Variants in PPRC1 observed in about 807,000 individuals in gnomAD.
The protein encoded by PPRC1 is PPARG related coactivator 1, also known as peroxisome proliferator-activated receptor gamma coactivator-related protein 1.
A neutral mutation model predicts 132.5 loss-of-function variants in PPRC1; 23 were observed. The ratio of observed to expected loss-of-function variants is 0.17; its 90% CI spans 0.12 to 0.25. PPRC1 has a LOEUF of 0.25. Ranked by LOEUF, PPRC1 falls within the 10% of genes least tolerant of loss-of-function variation. PPRC1 has a pLI of 1.00. For missense variants in PPRC1, 2,006 were observed against 2,089.1 expected, an observed-to-expected ratio of 0.96 and a Z score of 0.78; for synonymous variants, 872 against 833.5, an observed-to-expected ratio of 1.05 and a Z score of -0.80.
chr10:102,136,926 G>T (rs1007101715), intron 1 of PPRC1, among the ~76,000 whole-genome samples: 1 of 152,228 alleles, frequency 6.6e-6, no homozygotes, highest in African/African-American at 2.4e-5. Flanking sequence ...GTGGGGCGGG[G>T]CCTTTCCATC....
chr10:102,136,921 G>C (rs1369098660), intron 1 of PPRC1, among the ~76,000 whole-genome samples: 2 of 152,246 alleles, frequency 1.3e-5, no homozygotes, highest in East Asian at 3.9e-4. Flanking sequence ...GGAGTGTGGG[G>C]CGGGGCCTTT....
upstream of PPRC1, among the ~76,000 whole-genome samples, chr10:102,128,898 GC>G (rs1590303162): frequency 1.5e-5 from 2 of 129,742 alleles, no homozygotes; most frequent in South Asian, 2.6e-4. Context: ...ACAGGCCTGA[GC>G]CACCATGCCC....
At chr10:102,128,860 C>T (rs1293916966), upstream of PPRC1, among the ~76,000 whole-genome samples, 12 of 149,746 alleles carry the variant, frequency 8.0e-5, no homozygotes, top group Admixed American at 5.4e-4. Flanking sequence ...GTGATCCGCC[C>T]GCCTCGGCCT....
At chr10:102,120,387 G>A in the PPRC1 span, 1 of 983,502 alleles carries the variant, frequency 1.0e-6, no homozygotes, top group Non-Finnish European at 1.2e-6. Context: ...GTGCGTGTGT[G>A]CGCGTGTGCG....
chr10:102,140,580 C>A lies in PPRC1; in HGVS notation c.2072C>A (p.Thr691Asn), dbSNP rs776921036. 1.2e-6 allele frequency: 2 copies of A among 1,613,992 alleles called. No individual in the cohort carries two copies. Among genetic ancestry groups the A allele is most frequent in the African/African-American group, 2.7e-5 (2 of 74,910 alleles). Residue 691 changes from threonine to asparagine, a missense_variant, in exon 5 of 14, where the codon ACT becomes AAT. By Grantham distance (65) the Thr-to-Asn change is moderately conservative (BLOSUM62 0). Coordinates refer to ENST00000278070, the MANE Select transcript of PPRC1 (RefSeq NM_015062.5). ...CCAGTGCTAGTTAAGTCCAGACCAA[C>A]TGATCCCAGACGTGGTGCAGTGTCA... ...VDPVLVKSRP[T>N]DPRRGAVSSA...
In PPRC1 at chr10:102,148,414, CTCT is replaced by C. The variant is rs765619791; in HGVS notation, c.4449_4451del (p.Ser1499del). ...CTGGACGTTCTCGAAGATGCTCTTC[CTCT>C]TCTTCGTCATCATCTTCCTCTTCGT... On this transcript the variant is annotated inframe_deletion, in exon 10 of 14. Transcript: ENST00000278070. This position sits in a 1 kb window ranked among gnomAD's most constrained non-coding sequence, Gnocchi z 4.2. The C allele has an allele frequency of 4.2e-5, 68 of 1,612,420 alleles. No individual in the cohort carries two copies. Among genetic ancestry groups the C allele is most frequent in the Non-Finnish European group, 5.5e-5 (65 of 1,178,760 alleles).
chr10:102,126,461 T>C, the PPRC1 span, among the ~76,000 whole-genome samples: 1 of 149,974 alleles, frequency 6.7e-6, no homozygotes, highest in Non-Finnish European at 1.5e-5. Context: ...ACTATAACTT[T>C]TTTTTTTTTT....
chr10:102,124,084 A>G, the PPRC1 span, among the ~76,000 whole-genome samples: 1 of 148,530 alleles, frequency 6.7e-6, no homozygotes, highest in South Asian at 2.1e-4. Context: ...TTTTTTTTTT[A>G]GACAGAGTCT....
Position 102,140,914 on chromosome 10 carries a change from C to T in PPRC1, c.2406C>T (p.Ala802=), listed in dbSNP as rs1425361990. The T allele has an allele frequency of 3.1e-6, 5 of 1,614,018 alleles. No homozygotes were observed. Among genetic ancestry groups the T allele is most frequent in the Non-Finnish European group, 4.2e-6 (5 of 1,180,004 alleles). ...IPCLVIPPAP[A]KKTALQRSPE... is the part of the protein sequence containing the mutation. ...GTCTTGTCATCCCACCAGCCCCAGC[C>T]AAGAAGACAGCTCTGCAGAGAAGCC... Residue 802 remains alanine (A), a synonymous_variant, in exon 5 of 14, where the codon GCC becomes GCT. Transcript: ENST00000278070.
At chr10:102,138,596 T>A in intron 2 of PPRC1, 23 bp from the exon 3 acceptor site, 1 of 1,612,662 alleles carries the variant, frequency 6.2e-7, no homozygotes, top group Non-Finnish European at 8.5e-7. Context: ...TGGTAGGACC[T>A]TCTGGTTGTT....
At position 102,145,034 on chromosome 10, in the gene PPRC1, C is replaced by G. The variant is rs2069161011; in HGVS notation, c.3623C>G (p.Pro1208Arg). ...AVGNSGGVDI[P>R]QEKRPLDRLQ... is the part of the protein sequence containing the mutation. ...CCCCCCGCCAGCGGCGTTGACATTC[C>G]CCAGGAGAAGAGGCCCCTAGACCGG... The change falls in exon 8 of 14, where the codon CCC becomes CGC. Residue 1208 changes from proline (P) to arginine (R), a missense_variant. Pro to Arg is a moderately radical substitution (Grantham distance 103). This residue lies in a region of PPRC1 where 1,914 missense variants were observed against 1,917.2 expected (regional missense o/e 1.00). Coordinates refer to ENST00000278070, the MANE Select transcript of PPRC1 (RefSeq NM_015062.5). The G allele has an allele frequency of 6.2e-7, 1 of 1,612,174 alleles. No individual in the cohort carries two copies. Among genetic ancestry groups the G allele is most frequent in the South Asian group, 1.1e-5 (1 of 90,934 alleles).
chr10:102,144,287 C>T lies in PPRC1; in HGVS notation c.3588C>T (p.Ser1196=). 6.2e-7 allele frequency: 1 copy of T among 1,614,134 alleles called. No individual in the cohort carries two copies. The highest frequency in any genetic ancestry group is 8.5e-7 in the Non-Finnish European group (1 of 1,180,036). ...GTCCTCCTCCGGCTCCTGCTGACAG[C>T]TTGGCTGTAGGAAACTCAGGGTAAG... The part of the protein sequence containing the change: ...KECPPPAPAD[S]LAVGNSGGVD... Residue 1196 remains serine, a synonymous_variant, in exon 7 of 14, where the codon AGC becomes AGT. Coordinates refer to ENST00000278070, the MANE Select transcript of PPRC1 (RefSeq NM_015062.5).
chr10:102,137,013 TGA>T (rs1554914991), intron 1 of PPRC1, among the ~76,000 whole-genome samples: 1 of 152,212 alleles, frequency 6.6e-6, no homozygotes, highest in Non-Finnish European at 1.5e-5. Context: ...GAATTACCAT[TGA>T]GAGGTTGAGT....
At chr10:102,124,246 G>A in the PPRC1 span, among the ~76,000 whole-genome samples, 274 of 151,944 alleles carry the variant, frequency 1.8e-3, 5 homozygotes, top group East Asian at 0.044. Context: ...TGTATTTTTA[G>A]TAGAGATGGG....
chr10:102,138,186 T>G (rs1391505702), intron 2 of PPRC1, 148 bp downstream of exon 2: 5 of 830,412 alleles, frequency 6.0e-6, no homozygotes, highest in Non-Finnish European at 9.2e-6. Context: ...TTTTTGTCTC[T>G]AAGTGGGAAT....
chr10:102,133,329 G>C, intron 1 of PPRC1, 108 bp downstream of exon 1: 3 of 1,032,006 alleles, frequency 2.9e-6, no homozygotes, highest in Non-Finnish European at 3.7e-6. Context: ...TCGATGCCGG[G>C]TGGCCGCGGG....
Position 102,139,083 on chromosome 10 carries a change from T to C in PPRC1, c.592-17T>C. The C allele has an allele frequency of 1.2e-6, 2 of 1,607,458 alleles. No homozygotes were observed. Among genetic ancestry groups the C allele is most frequent in the Non-Finnish European group, 8.5e-7 (1 of 1,175,556 alleles). On this transcript the variant is annotated splice_polypyrimidine_tract_variant and intron_variant, in intron 4 of 13. Coordinates refer to ENST00000278070, the MANE Select transcript of PPRC1 (RefSeq NM_015062.5). The stretch of plus-strand genomic sequence containing the variant: ...CCCAAAGAAAACTCCTCCTGAGACC[T>C]CTCTTCTCTCCTGCAGGTTGAAATG...
rs113041439 is a variant in PPRC1 at position 102,149,133 on chromosome 10, G to A, written c.4740-45G>A. On this transcript the variant is annotated intron_variant, in intron 12 of 13. Transcript: ENST00000278070. Reference sequence around the variant, plus strand: ...ATGCTGTGTCTCCTCTATGGCATGGGCCCATATAGCCACTCCAGCCCCTGC... The same window carrying A: ...ATGCTGTGTCTCCTCTATGGCATGGACCCATATAGCCACTCCAGCCCCTGC... 810 of 1,543,012 alleles carry A rather than the reference G, an allele frequency of 5.2e-4. 6 individuals are homozygous for A. The African/African-American group carries it at 9.8e-3, about 19-fold the overall frequency.
At position 102,140,888 on chromosome 10, in the gene PPRC1, T is replaced by A; in HGVS notation, c.2380T>A (p.Cys794Ser). The A allele has an allele frequency of 6.2e-7, 1 of 1,613,988 alleles. No individual in the cohort carries two copies. Among genetic ancestry groups the A allele is most frequent in the Non-Finnish European group, 8.5e-7 (1 of 1,179,996 alleles). ...ETPTGLADIP[C>S]LVIPPAPAKK... ...TCCCACAGGGCTGGCAGACATCCCT[T>A]GTCTTGTCATCCCACCAGCCCCAGC... is the stretch of plus-strand genomic sequence containing the variant. Residue 794 changes from cysteine (C) to serine (S), a missense_variant, in exon 5 of 14, where the codon TGT (cysteine) becomes AGT (serine). Transcript: ENST00000278070.
Sources: gnomAD v4.1 joint callset for allele counts (sites outside exome capture counted in the v4.1 genomes callset) on GRCh38, gnomAD v4.1.1 for gene constraint, gnomAD v4.1.1 regional missense constraint, Gnocchi (gnomAD v3.1) non-coding constraint, MANE v1.5 for transcripts, NCBI Gene and HGNC (gene_info 2026-07-23, HGNC 2026-07-21) for gene names.